Variants in NCAM1 observed in about 807,000 individuals in gnomAD.
NCAM1 encodes antigen recognized by monoclonal antibody 5.1H11.
In NCAM1, 14 loss-of-function variants were observed where a neutral mutation model predicts 109.8. The observed-to-expected ratio is 0.13, with a 90% CI of 0.08 to 0.20. The LOEUF (loss-of-function observed/expected upper bound fraction) is 0.20, where lower values mean the gene tolerates loss of function less well. Ranked by LOEUF, NCAM1 falls within the 10% of genes least tolerant of loss-of-function variation. The pLI is 1.00. For synonymous variants in NCAM1, 418 were observed against 442.9 expected (o/e 0.94, Z 0.70); for missense variants, 774 against 1,109.9 (o/e 0.70, Z 4.30).
chr11:113,246,218 G>C (rs1309826943), intron 14 of NCAM1, 150 bp from the exon 15 acceptor site: 1 of 550,816 alleles, frequency 1.8e-6, no homozygotes, highest in African/African-American at 1.9e-5. Context: ...TTTTCTCCCT[G>C]CCCATTGTTT....
intron 1 of NCAM1, among the ~76,000 whole-genome samples, chr11:113,060,502 A>T (rs1445844618): frequency 6.6e-6 from 1 of 152,214 alleles, no homozygotes; most frequent in African/African-American, 2.4e-5. Context: ...TGCGAGGTTC[A>T]GCTTATGAAG....
intron 8 of NCAM1, among the ~76,000 whole-genome samples, chr11:113,217,502 C>T (rs1555114557): frequency 6.6e-6 from 1 of 152,024 alleles, no homozygotes; most frequent in Non-Finnish European, 1.5e-5. Flanking sequence ...CTAGTGCTCC[C>T]CTAAAATTTT....
chr11:113,106,633 C>T (rs566840781), intron 1 of NCAM1, among the ~76,000 whole-genome samples: 10 of 152,156 alleles, frequency 6.6e-5, no homozygotes, highest in Admixed American at 1.3e-4. Flanking sequence ...AAAACACAAA[C>T]GGACATTGTG....
At chr11:113,020,551 T>C (rs1292516920) in intron 1 of NCAM1, among the ~76,000 whole-genome samples, 9 of 152,170 alleles carry the variant, frequency 5.9e-5, no homozygotes, top group African/African-American at 1.9e-4. Flanking sequence ...GATTTTTCAA[T>C]AGCAAAGGAT....
chr11:113,090,437 A>G (rs1555089139), intron 1 of NCAM1, among the ~76,000 whole-genome samples: 2 of 152,246 alleles, frequency 1.3e-5, no homozygotes, highest in Admixed American at 1.3e-4. Context: ...ACTTTCTGCG[A>G]CATAATTTGT....
chr11:113,254,305 T>A (rs1945780861), intron 15 of NCAM1, among the ~76,000 whole-genome samples: 1 of 152,250 alleles, frequency 6.6e-6, no homozygotes, highest in Non-Finnish European at 1.5e-5. Context: ...CCTGTTTTTA[T>A]TTGTCCTTAA....
chr11:113,184,205 C>T lies in NCAM1; in HGVS notation c.53-18174C>T, dbSNP rs1214559160. The stretch of plus-strand genomic sequence containing the variant: ...TTTACATATAAAAAGAGCATCTGTC[C>T]TTGGGACTCCATAGCTTTGAAGGCA... On this transcript the variant is annotated intron_variant, in intron 1 of 19. Coordinates refer to ENST00000316851, the MANE Select transcript of NCAM1 (RefSeq NM_181351.5). Among the ~76,000 whole-genome samples the T allele has an allele frequency of 2.6e-5, 4 of 152,162 alleles. No individual in the cohort carries two copies. The South Asian group carries it at 6.2e-4, about 24-fold the overall frequency.
intron 1 of NCAM1, among the ~76,000 whole-genome samples, chr11:112,983,033 T>G (rs948993117): frequency 9.9e-5 from 15 of 151,946 alleles, no homozygotes; most frequent in Admixed American, 3.3e-4. Context: ...GATGGGCAGT[T>G]TTCATATGTA....
At chr11:113,037,796 C>A (rs180742543) in intron 1 of NCAM1, among the ~76,000 whole-genome samples, 3 of 152,320 alleles carry the variant, frequency 2.0e-5, no homozygotes, top group Admixed American at 6.5e-5. Flanking sequence ...GTTGACATGT[C>A]TCTTGTACTG....
chr11:113,080,920 T>G (rs1555087046), intron 1 of NCAM1, among the ~76,000 whole-genome samples: 1 of 152,244 alleles, frequency 6.6e-6, no homozygotes, highest in East Asian at 1.9e-4. Flanking sequence ...CAGAGCGATA[T>G]GATTGGCATT....
chr11:113,210,627 C>T (rs1298961790), intron 7 of NCAM1, among the ~76,000 whole-genome samples: 3 of 151,936 alleles, frequency 2.0e-5, no homozygotes, highest in African/African-American at 4.8e-5. Flanking sequence ...ATGGCTGCCC[C>T]GGAGTAGTGA....
rs1555062932 is a variant in NCAM1, at chr11:112,961,592, C to A, written c.-21C>A. ...CAGAATTTACCGCGGCAAGAACATC[C>A]CTCCCAGCCAGCAGATTACAATGCT... On this transcript the variant is annotated 5_prime_UTR_variant, in exon 1 of 20. Coordinates refer to ENST00000316851, the MANE Select transcript of NCAM1 (RefSeq NM_181351.5). 1.4e-6 allele frequency: 2 copies of A among 1,449,356 alleles called. No homozygotes were observed. The highest frequency in any genetic ancestry group is 1.9e-6 in the Non-Finnish European group (2 of 1,031,606). The allele number at this position is 1,449,356 out of a possible 1,614,324, so 89.8% of individuals were successfully genotyped here. A position where few individuals can be genotyped will look rare whatever the true frequency, so the allele number is the denominator to read the frequency against.
chr11:113,213,032 G>A (rs782772849), intron 7 of NCAM1, among the ~76,000 whole-genome samples: 1 of 152,224 alleles, frequency 6.6e-6, no homozygotes, highest in Non-Finnish European at 1.5e-5. Context: ...CTATATGGAT[G>A]ATTTTATGTA....
intron 1 of NCAM1, among the ~76,000 whole-genome samples, chr11:113,096,018 A>G (rs1194259044): frequency 1.3e-5 from 2 of 152,192 alleles, no homozygotes; most frequent in African/African-American, 2.4e-5. Flanking sequence ...AATTATTGCT[A>G]TTAGGCCCAC....
intron 1 of NCAM1, among the ~76,000 whole-genome samples, chr11:113,098,724 A>G (rs1939723701): frequency 6.6e-6 from 1 of 152,204 alleles, no homozygotes; most frequent in African/African-American, 2.4e-5. Context: ...CCATCATGTG[A>G]AGAACTGGAG....
At chr11:112,966,492 A>G (rs1190576355) in intron 1 of NCAM1, among the ~76,000 whole-genome samples, 1 of 152,194 alleles carries the variant, frequency 6.6e-6, no homozygotes, top group African/African-American at 2.4e-5. Context: ...AACTATTTTT[A>G]ACAATACAGG....
At chr11:113,049,280 A>G (rs1555081401) in intron 1 of NCAM1, among the ~76,000 whole-genome samples, 1 of 151,768 alleles carries the variant, frequency 6.6e-6, no homozygotes, top group African/African-American at 2.4e-5. Flanking sequence ...TCTATGATCA[A>G]CTCCCTGGCC....
chr11:113,126,490 A>T (rs1031693662), intron 1 of NCAM1, among the ~76,000 whole-genome samples: 1 of 152,086 alleles, frequency 6.6e-6, no homozygotes, highest in African/African-American at 2.4e-5. Flanking sequence ...ACAGACTCAG[A>T]TGTGTTTATA....
intron 1 of NCAM1, among the ~76,000 whole-genome samples, chr11:113,068,862 T>A (rs1555084729): frequency 6.6e-6 from 1 of 152,112 alleles, no homozygotes; most frequent in African/African-American, 2.4e-5. Context: ...ATGAGCATAA[T>A]AGTATGTAGT....
Sources: allele counts gnomAD v4.1 joint callset (sites outside exome capture counted in the v4.1 genomes callset), GRCh38; gene constraint gnomAD v4.1.1; transcripts MANE v1.5; gene names NCBI Gene and HGNC (gene_info 2026-07-23, HGNC 2026-07-21).